Variants in DGKB observed in about 807,000 individuals in gnomAD.
DGKB encodes the protein 90 kDa diacylglycerol kinase.
DGKB carries 67 observed loss-of-function variants against 114.3 expected under a neutral mutation model. That is an observed-to-expected ratio of 0.59 (90% CI 0.48 to 0.72). The LOEUF is 0.72. Among genes scored for constraint, DGKB ranks in the 30% least tolerant of loss-of-function variants. DGKB has a pLI of 0.00. For synonymous variants in DGKB, 398 were observed against 323.1 expected, an observed-to-expected ratio of 1.23 and a Z score of -2.49; for missense variants, 907 against 975.2, an observed-to-expected ratio of 0.93 and a Z score of 0.93.
intron 23 of DGKB, among the ~76,000 whole-genome samples, chr7:14,276,015 T>C (rs1008359692): frequency 2.0e-5 from 3 of 152,232 alleles, no homozygotes; most frequent in Non-Finnish European, 4.4e-5. Flanking sequence ...TCACATACTA[T>C]AGTGATAGAC....
At chr7:14,763,216 A>G (rs1385591287) in intron 2 of DGKB, among the ~76,000 whole-genome samples, 3 of 152,016 alleles carry the variant, frequency 2.0e-5, no homozygotes, top group African/African-American at 7.2e-5. Flanking sequence ...AATGTATGGC[A>G]TGGTTTATCT....
rs565373298 is a variant in DGKB, at chr7:14,188,353, T to C, written c.2123-10202A>G. On this transcript the variant is annotated intron_variant, in intron 23 of 25. Coordinates refer to ENST00000402815, the MANE Select transcript of DGKB (RefSeq NM_001350709.2). ...ATTGGTAGAGTTATGAACATCCAGA[T>C]TGAGGAAGTTAAAAGATCCCCAATT... is the stretch of plus-strand genomic sequence containing the variant. Among the ~76,000 whole-genome samples, 319 of 152,180 alleles carry C rather than the reference T, an allele frequency of 2.1e-3. 3 individuals carry two copies. The highest frequency in any genetic ancestry group is 7.4e-3 in the African/African-American group (309 of 41,518).
At chr7:14,532,887 T>G (rs901087303) in intron 20 of DGKB, among the ~76,000 whole-genome samples, 5 of 151,694 alleles carry the variant, frequency 3.3e-5, no homozygotes, top group African/African-American at 1.2e-4. Flanking sequence ...ATTAAAATTA[T>G]AAGTGAAAGT....
chr7:14,921,934 T>A (rs1784524715), intron 1 of DGKB, among the ~76,000 whole-genome samples: 1 of 152,196 alleles, frequency 6.6e-6, no homozygotes, highest in Non-Finnish European at 1.5e-5. Flanking sequence ...CCCAATCCAC[T>A]GTGTTCTGAT....
intron 20 of DGKB, among the ~76,000 whole-genome samples, chr7:14,541,204 C>T (rs901691799): frequency 6.6e-6 from 1 of 151,822 alleles, no homozygotes; most frequent in Non-Finnish European, 1.5e-5. Context: ...ATAGCCCAAG[C>T]AAGTGGCAGC....
In DGKB at chr7:14,146,311, C is replaced by G. The variant is rs931351846; in HGVS notation, c.*2820G>C. The G allele has an allele frequency of 6.6e-6, 1 of 152,196 alleles. No individual in the cohort carries two copies. Among genetic ancestry groups the G allele is most frequent in the Non-Finnish European group, 1.5e-5 (1 of 68,030 alleles). The allele number at this position is 152,196 out of a possible 1,614,324, so 9.4% of individuals were successfully genotyped here. A position where few individuals can be genotyped will look rare whatever the true frequency, so the allele number is the denominator to read the frequency against. On this transcript the variant is annotated 3_prime_UTR_variant, in exon 26 of 26. Transcript: ENST00000402815. ...ATGTCTCTCTGGAATCTCATCAACT[C>G]AGTGCCTAGCAATGTTTAGCAGAGT... is the stretch of plus-strand genomic sequence containing the variant.
chr7:14,751,816 A>C (rs1004142861), intron 4 of DGKB, among the ~76,000 whole-genome samples: 2 of 152,216 alleles, frequency 1.3e-5, no homozygotes, highest in Non-Finnish European at 1.5e-5. Flanking sequence ...GAGAAAATAA[A>C]GGAAATAGAA....
Position 14,220,152 on chromosome 7 carries a change from TA to T in DGKB, c.2123-42002del, listed in dbSNP as rs1789690518. Among the ~76,000 whole-genome samples, 5 of 151,740 alleles carry T rather than the reference TA, an allele frequency of 3.3e-5. 2 individuals carry two copies. In the South Asian group the frequency reaches 1.0e-3, roughly 31 times the overall value. ...TACTGTACTGAATACTGTAGACAAC[TA>T]ACTGTAACACAATTGTAGGTATCTC... On this transcript the variant is annotated intron_variant, in intron 23 of 25. Coordinates refer to ENST00000402815, the MANE Select transcript of DGKB (RefSeq NM_001350709.2).
chr7:14,245,324 A>T (rs928546174), intron 23 of DGKB, among the ~76,000 whole-genome samples: 1 of 152,226 alleles, frequency 6.6e-6, no homozygotes. Flanking sequence ...GGTAAGGATG[A>T]TGTACATTTG....
intron 1 of DGKB, among the ~76,000 whole-genome samples, chr7:14,845,099 C>A (rs1848453933): frequency 9.2e-6 from 1 of 109,028 alleles, no homozygotes; most frequent in Non-Finnish European, 1.7e-5. Context: ...AGAGCAAGGC[C>A]CTGTGTCAAA....
Position 14,204,573 on chromosome 7 carries a change from A to T in DGKB, c.2123-26422T>A, listed in dbSNP as rs1584434186. 2.6e-5 allele frequency among the ~76,000 whole-genome samples: 4 copies of T among 152,176 alleles called. No individual in the cohort carries two copies. The South Asian group carries it at 6.2e-4, about 24-fold the overall frequency. On this transcript the variant is annotated intron_variant, in intron 23 of 25. Transcript: ENST00000402815. ...GAAAACATAGGGCTTATGCTTTTTG[A>T]TGAGCTAATATAGCCTAAATTGTCT...
At chr7:14,470,509 G>T (rs1020570692) in intron 21 of DGKB, among the ~76,000 whole-genome samples, 2 of 151,768 alleles carry the variant, frequency 1.3e-5, no homozygotes, top group African/African-American at 4.8e-5. Flanking sequence ...TTAATAGATT[G>T]TGAATGTCAG....
chr7:14,614,852 G>A (rs918299202), intron 15 of DGKB, among the ~76,000 whole-genome samples: 1 of 152,050 alleles, frequency 6.6e-6, no homozygotes, highest in African/African-American at 2.4e-5. Flanking sequence ...CTCCAATTCA[G>A]CTGGGAGAAG....
chr7:14,625,332 C>T (rs1205478234), intron 14 of DGKB, among the ~76,000 whole-genome samples: 3 of 152,066 alleles, frequency 2.0e-5, no homozygotes, highest in African/African-American at 7.2e-5. Flanking sequence ...AATTTTTCTT[C>T]TATTTCCATT....
chr7:14,383,671 CT>C (rs903516072), intron 21 of DGKB, among the ~76,000 whole-genome samples: 4 of 152,182 alleles, frequency 2.6e-5, no homozygotes, highest in African/African-American at 9.7e-5. Flanking sequence ...AAGGAGGCTC[CT>C]TCCTAACTGA....
At chr7:14,695,443 C>T (rs1421521153) in intron 8 of DGKB, among the ~76,000 whole-genome samples, 1 of 150,060 alleles carries the variant, frequency 6.7e-6, no homozygotes, top group East Asian at 2.0e-4. Flanking sequence ...CTCCAGTCTT[C>T]CCTACTACTA....
chr7:14,277,273 C>T (rs911614372), intron 23 of DGKB, among the ~76,000 whole-genome samples: 2 of 152,008 alleles, frequency 1.3e-5, no homozygotes, highest in African/African-American at 4.8e-5. Context: ...CAGGTTCAAG[C>T]GATTCTTGCA....
At position 14,559,291 on chromosome 7, in the gene DGKB, T is replaced by C. The variant is rs11983815; in HGVS notation, c.1770+14921A>G. ...CATATACCAAGTTTATTGAAGAATC[T>C]CTCCCTATGCACTATATCATGTTAT... On this transcript the variant is annotated intron_variant, in intron 20 of 25. Coordinates refer to ENST00000402815, the MANE Select transcript of DGKB (RefSeq NM_001350709.2). 5.7e-3 allele frequency among the ~76,000 whole-genome samples: 862 copies of C among 152,282 alleles called. 9 individuals are homozygous for C. Among genetic ancestry groups the C allele is most frequent in the African/African-American group, 0.019 (801 of 41,544 alleles).
At chr7:14,180,553 T>TACTA (rs1381305842) in intron 23 of DGKB, among the ~76,000 whole-genome samples, 2 of 152,208 alleles carry the variant, frequency 1.3e-5, no homozygotes, top group East Asian at 3.9e-4. Context: ...GTGCCATCTT[T>TACTA]ACTAACTCTA....
Sources: allele counts gnomAD v4.1 joint callset (sites outside exome capture counted in the v4.1 genomes callset), GRCh38; gene constraint gnomAD v4.1.1; transcripts MANE v1.5; gene names NCBI Gene and HGNC (gene_info 2026-07-23, HGNC 2026-07-21).